Variants in ADARB2 observed in about 807,000 individuals in gnomAD.
ADARB2 encodes the protein adenosine deaminase RNA specific B2 (inactive).
Under a neutral mutation model 62.2 loss-of-function variants are expected in ADARB2, and 25 were observed. The observed-to-expected ratio is 0.40, with a 90% confidence interval of 0.29 to 0.56. The LOEUF (loss-of-function observed/expected upper bound fraction) is 0.56, where lower values mean the gene tolerates loss of function less well. Among genes scored for constraint, ADARB2 ranks in the 20% least tolerant of loss-of-function variants. The probability of loss-of-function intolerance (pLI) is 0.43; values close to 1 mark genes in which losing one functional copy is unlikely to be tolerated. For synonymous variants in ADARB2, 572 were observed against 500.8 expected (o/e 1.14, Z -1.90); for missense variants, 1,071 against 1,077.4 (o/e 0.99, Z 0.08).
intron 1 of ADARB2, among the ~76,000 whole-genome samples, chr10:1,407,999 C>T (rs962363763): frequency 6.6e-6 from 1 of 152,198 alleles, no homozygotes; most frequent in African/African-American, 2.4e-5. Context: ...AAGGAAATTG[C>T]ATTGTCACAC....
intron 1 of ADARB2, among the ~76,000 whole-genome samples, chr10:1,575,183 C>T (rs186872379): frequency 2.6e-5 from 4 of 152,128 alleles, no homozygotes; most frequent in Non-Finnish European, 5.9e-5. Context: ...ATTCACCCCT[C>T]ATGGAACGGC....
At chr10:1,381,768 C>A (rs1457522695) in intron 1 of ADARB2, among the ~76,000 whole-genome samples, 1 of 152,196 alleles carries the variant, frequency 6.6e-6, no homozygotes, top group Non-Finnish European at 1.5e-5. Context: ...TGGTCTCACT[C>A]ACACGTGGAA....
chr10:1,363,296 G>T lies in ADARB2; in HGVS notation c.809C>A (p.Thr270Asn). 2 of 1,233,608 alleles carry T rather than the reference G, an allele frequency of 1.6e-6. No individual in the cohort carries two copies. Among genetic ancestry groups the T allele is most frequent in the Middle Eastern group, 2.4e-4 (1 of 4,172 alleles). 76.4% of individuals were successfully genotyped at this position (1,233,608 alleles called of 1,614,324 possible). A position where few individuals can be genotyped will look rare whatever the true frequency, so the allele number is the denominator to read the frequency against. The part of the protein sequence containing the change: ...ALDLVGPTPA[T>N]PAAPGERNPV... ...GTTGCGCTCGCCCGGGGCCGCGGGG[G>T]TGGCGGGGGTCGGGCCCACCAGGTC... The change falls in exon 3 of 10, where the codon ACC becomes AAC. Residue 270 changes from threonine to asparagine, a missense_variant. Transcript: ENST00000381312.
chr10:1,361,957 G>A (rs929188179), intron 3 of ADARB2, among the ~76,000 whole-genome samples: 1 of 152,352 alleles, frequency 6.6e-6, no homozygotes, highest in African/African-American at 2.4e-5. Context: ...TGCTACATTA[G>A]TGATGCCCAC....
At chr10:1,419,953 C>T (rs2131884301) in intron 1 of ADARB2, among the ~76,000 whole-genome samples, 1 of 152,348 alleles carries the variant, frequency 6.6e-6, no homozygotes, top group South Asian at 2.1e-4. Context: ...AAATGTAGCA[C>T]AAATTGCCTT....
chr10:1,584,028 TA>T (rs983755165), intron 1 of ADARB2, among the ~76,000 whole-genome samples: 4 of 152,170 alleles, frequency 2.6e-5, no homozygotes, highest in Non-Finnish European at 4.4e-5. Context: ...TGCAAAGCTA[TA>T]AAACTCCTAC....
At chr10:1,515,757 G>A (rs190540685) in intron 1 of ADARB2, among the ~76,000 whole-genome samples, 13 of 152,346 alleles carry the variant, frequency 8.5e-5, no homozygotes, top group African/African-American at 2.9e-4. Flanking sequence ...TTCCAGGCCC[G>A]GAAGGTGCAG....
intron 3 of ADARB2, chr10:1,361,075 C>T (rs1042109006): frequency 3.3e-5 from 5 of 152,238 alleles, no homozygotes; most frequent in African/African-American, 1.2e-4. Context: ...GGGGACACGC[C>T]CCAGACCATG....
chr10:1,542,738 C>T (rs867639086), intron 1 of ADARB2, among the ~76,000 whole-genome samples: 1 of 54,828 alleles, frequency 1.8e-5, no homozygotes, highest in Non-Finnish European at 3.6e-5. Context: ...AGACGCAGTT[C>T]GGACCCCGGA....
intron 1 of ADARB2, among the ~76,000 whole-genome samples, chr10:1,684,468 T>C (rs1834576391): frequency 6.6e-6 from 1 of 152,318 alleles, no homozygotes; most frequent in Middle Eastern, 3.4e-3. Context: ...TGGAATAACA[T>C]AATAATAGTC....
intron 1 of ADARB2, among the ~76,000 whole-genome samples, chr10:1,659,748 C>T (rs148230218): frequency 0.013 from 2,044 of 151,486 alleles, 22 homozygotes; most frequent in Middle Eastern, 0.021. Context: ...CCTGCCTTCC[C>T]TCCTCTCCTC....
At chr10:1,194,470 C>T (rs1248117193) in intron 8 of ADARB2, among the ~76,000 whole-genome samples, 2 of 152,198 alleles carry the variant, frequency 1.3e-5, no homozygotes, top group Non-Finnish European at 2.9e-5. Flanking sequence ...AAATATCTAT[C>T]AATCTCTATC....
At chr10:1,451,051 C>T (rs1333505990) in intron 1 of ADARB2, among the ~76,000 whole-genome samples, 1 of 152,184 alleles carries the variant, frequency 6.6e-6, no homozygotes, top group Non-Finnish European at 1.5e-5. Flanking sequence ...ATGTGTGTGC[C>T]AACAAAACCT....
chr10:1,461,370 C>G (rs1479654588), intron 1 of ADARB2, among the ~76,000 whole-genome samples: 1 of 152,210 alleles, frequency 6.6e-6, no homozygotes, highest in Non-Finnish European at 1.5e-5. Flanking sequence ...AATATGGTCA[C>G]TGTAATTATA....
chr10:1,693,827 A>T (rs1457917444), intron 1 of ADARB2, among the ~76,000 whole-genome samples: 2 of 152,226 alleles, frequency 1.3e-5, no homozygotes, highest in Non-Finnish European at 2.9e-5. Flanking sequence ...AAAAATAATG[A>T]TTTATTGAAA....
At chr10:1,424,849 A>G (rs1271762645) in intron 1 of ADARB2, among the ~76,000 whole-genome samples, 1 of 152,200 alleles carries the variant, frequency 6.6e-6, no homozygotes, top group East Asian at 1.9e-4. Flanking sequence ...GTTTGAAGAC[A>G]AGGCTAGCCA....
At chr10:1,287,096 C>T (rs1179671545) in intron 3 of ADARB2, among the ~76,000 whole-genome samples, 7 of 152,130 alleles carry the variant, frequency 4.6e-5, no homozygotes, top group Non-Finnish European at 1.0e-4. Flanking sequence ...TCCTGTGACT[C>T]ACTTGAAGTT....
intron 3 of ADARB2, among the ~76,000 whole-genome samples, chr10:1,301,562 C>CTCTG (rs1554752946): frequency 0.28 from 32,277 of 115,232 alleles, 3,969 homozygotes; most frequent in African/African-American, 0.38. Context: ...TCTCTCTTCT[C>CTCTG]TCTCTCTCTC....
rs1374549374 is a variant in ADARB2, at chr10:1,200,016, C to T, written c.1814G>A (p.Gly605Asp). The T allele has an allele frequency of 1.3e-6, 2 of 1,584,502 alleles. No individual in the cohort carries two copies. Among genetic ancestry groups the T allele is most frequent in the Middle Eastern group, 1.9e-4 (1 of 5,140 alleles). The change falls in exon 8 of 10, where the codon GGT (glycine) becomes GAT (aspartate). Residue 605 changes from glycine to aspartate, a missense_variant. Physicochemically the swap from Gly to Asp is moderately conservative, Grantham distance 94. Transcript: ENST00000381312. ...GTAGGAGGCGGGCAGCTGGCCGACACCCTCCATGCGGTGGCTCATGACGCG... is the reference window on the plus strand; with the variant it reads ...GTAGGAGGCGGGCAGCTGGCCGACATCCTCCATGCGGTGGCTCATGACGCG... ...LARVMSHRME[G>D]VGQLPASYRH... is the part of the protein sequence containing the mutation.
Sources: allele counts gnomAD v4.1 joint callset (sites outside exome capture counted in the v4.1 genomes callset), GRCh38; gene constraint gnomAD v4.1.1; transcripts MANE v1.5; gene names NCBI Gene and HGNC (gene_info 2026-07-23, HGNC 2026-07-21).